Variants in GRM8 observed in about 807,000 individuals in gnomAD.
GRM8 encodes glutamate metabotropic receptor 8.
A neutral mutation model predicts 87.2 loss-of-function variants in GRM8; 47 were observed. The ratio of observed to expected loss-of-function variants is 0.54; its 90% CI spans 0.43 to 0.69. GRM8 has a LOEUF of 0.69. GRM8 is among the 30% of genes least tolerant of loss of function. GRM8 has a pLI of 0.00. For missense variants in GRM8, 1,019 were observed against 1,139.2 expected (o/e 0.89, Z 1.52); for synonymous variants, 396 against 404.5 (o/e 0.98, Z 0.25).
intron 7 of GRM8, among the ~76,000 whole-genome samples, chr7:126,695,325 A>G (rs1319541091): frequency 6.6e-6 from 1 of 152,210 alleles, no homozygotes; most frequent in African/African-American, 2.4e-5. Flanking sequence ...TGTATAATGT[A>G]CTAGAGACAT....
chr7:126,489,823 T>C (rs748862054), intron 9 of GRM8, among the ~76,000 whole-genome samples: 17 of 152,002 alleles, frequency 1.1e-4, no homozygotes, highest in Admixed American at 5.2e-4. Flanking sequence ...GTAGACAGAA[T>C]AAAGAAGATC....
At chr7:126,841,394 C>G (rs1011077837) in intron 6 of GRM8, among the ~76,000 whole-genome samples, 5 of 152,034 alleles carry the variant, frequency 3.3e-5, no homozygotes, top group African/African-American at 1.2e-4. Flanking sequence ...ACCATAGCAC[C>G]TATGCTAGCC....
intron 10 of GRM8, among the ~76,000 whole-genome samples, chr7:126,443,604 A>G (rs1360436674): frequency 6.6e-6 from 1 of 152,020 alleles, no homozygotes; most frequent in Non-Finnish European, 1.5e-5. Context: ...TCAATGCACT[A>G]AAATCTCCAA....
intron 7 of GRM8, among the ~76,000 whole-genome samples, chr7:126,741,369 G>T (rs539721486): frequency 2.0e-4 from 31 of 152,192 alleles, no homozygotes; most frequent in African/African-American, 7.5e-4. Context: ...TCAAACAGAG[G>T]AAAGGAATCA....
At chr7:127,057,821 C>A (rs930705726) in intron 3 of GRM8, among the ~76,000 whole-genome samples, 1 of 148,504 alleles carries the variant, frequency 6.7e-6, no homozygotes, top group Non-Finnish European at 1.5e-5. Flanking sequence ...AAAAAAAAAA[C>A]CTAATATAGG....
intron 3 of GRM8, among the ~76,000 whole-genome samples, chr7:127,004,073 C>T (rs188786331): frequency 1.1e-3 from 164 of 151,758 alleles, no homozygotes; most frequent in African/African-American, 3.8e-3. Context: ...ATAAAAAGTA[C>T]TCAAACTAGG....
intron 2 of GRM8, among the ~76,000 whole-genome samples, chr7:127,170,613 G>A (rs1266131941): frequency 1.3e-5 from 2 of 152,140 alleles, no homozygotes; most frequent in African/African-American, 4.8e-5. Flanking sequence ...ATCAATGAGT[G>A]CATAAATTGT....
At chr7:126,618,095 C>A (rs1799717775) in intron 7 of GRM8, among the ~76,000 whole-genome samples, 1 of 152,172 alleles carries the variant, frequency 6.6e-6, no homozygotes, top group Non-Finnish European at 1.5e-5. Flanking sequence ...AAGAACAAAG[C>A]TGGAGGCATC....
At chr7:127,215,282 T>G (rs367667052) in intron 2 of GRM8, 3 of 152,144 alleles carry the variant, frequency 2.0e-5, no homozygotes, top group East Asian at 3.9e-4. Flanking sequence ...CCTTCATGAG[T>G]TCAGAATTCT....
At chr7:126,739,991 GCA>G (rs1191222258) in intron 7 of GRM8, among the ~76,000 whole-genome samples, 1 of 151,990 alleles carries the variant, frequency 6.6e-6, no homozygotes, top group Non-Finnish European at 1.5e-5. Flanking sequence ...TATGATGTTT[GCA>G]CAGTGACAAA....
chr7:127,093,058 G>A (rs1390800470), intron 3 of GRM8, among the ~76,000 whole-genome samples: 1 of 152,144 alleles, frequency 6.6e-6, no homozygotes, highest in Non-Finnish European at 1.5e-5. Flanking sequence ...CACCTCAAGT[G>A]AACTCTAGCA....
intron 3 of GRM8, chr7:127,105,429 T>C (rs1046105487): frequency 6.6e-6 from 1 of 152,218 alleles, no homozygotes; most frequent in African/African-American, 2.4e-5. Flanking sequence ...GTATTATAAT[T>C]TTTCTATGTC....
chr7:127,014,954 A>G (rs1815268193), intron 3 of GRM8, among the ~76,000 whole-genome samples: 1 of 129,878 alleles, frequency 7.7e-6, no homozygotes, highest in Non-Finnish European at 1.7e-5. Flanking sequence ...AAAGAGAGAG[A>G]GAAGAAGAAG....
intron 3 of GRM8, among the ~76,000 whole-genome samples, chr7:126,945,380 T>C (rs2188188): frequency 0.33 from 50,678 of 152,020 alleles, 8,430 homozygotes; most frequent in Non-Finnish European, 0.35. Flanking sequence ...CATTATTTTA[T>C]ACAGGTTGAG....
intron 9 of GRM8, among the ~76,000 whole-genome samples, chr7:126,461,487 T>C (rs992552333): frequency 6.6e-6 from 1 of 151,612 alleles, no homozygotes; most frequent in Non-Finnish European, 1.5e-5. Context: ...TTGTCTTTAT[T>C]TCTTCAATTC....
At chr7:126,521,357 A>T (rs570375892) in intron 9 of GRM8, among the ~76,000 whole-genome samples, 19 of 152,268 alleles carry the variant, frequency 1.2e-4, no homozygotes, top group Non-Finnish European at 2.4e-4. Context: ...AAGTGAAAAC[A>T]TTCAACTGAT....
rs537365104 is a variant in GRM8 at position 126,533,799 on chromosome 7, G to A, written c.1583C>T (p.Thr528Met). Reference protein sequence around the residue: ...LPCKPGERKKTVKGVPCCWHC... With the variant: ...LPCKPGERKKMVKGVPCCWHC... ...CCAGCAGCAAGGGACCCCTTTCACC[G>A]TTTTCTTCCTCTCCCCTGGCTTACA... Residue 528 changes from threonine (T) to methionine (M), a missense_variant, in exon 9 of 11, where the codon ACG (threonine) becomes ATG (methionine). Thr to Met is a moderately conservative substitution (Grantham distance 81). Transcript: ENST00000339582. The A allele has an allele frequency of 4.9e-5, 79 of 1,613,944 alleles. No individual in the cohort carries two copies. Among genetic ancestry groups the A allele is most frequent in the Admixed American group, 6.7e-5 (4 of 60,010 alleles).
chr7:127,161,238 G>A (rs769529201), intron 2 of GRM8, among the ~76,000 whole-genome samples: 1 of 152,096 alleles, frequency 6.6e-6, no homozygotes, highest in Non-Finnish European at 1.5e-5. Flanking sequence ...CACCTGTGTG[G>A]CCCTTTGATC....
At chr7:127,147,910 G>A (rs1425162555) in intron 2 of GRM8, among the ~76,000 whole-genome samples, 3 of 152,034 alleles carry the variant, frequency 2.0e-5, no homozygotes, top group Non-Finnish European at 4.4e-5. Context: ...TGTTTGAAAA[G>A]ATAACCTATC....
Sources: gnomAD v4.1 joint callset for allele counts (sites outside exome capture counted in the v4.1 genomes callset) on GRCh38, gnomAD v4.1.1 for gene constraint, MANE v1.5 for transcripts, NCBI Gene and HGNC (gene_info 2026-07-23, HGNC 2026-07-21) for gene names.